The following TRABD2B variants were observed in gnomAD, a reference collection of about 807,000 sequenced individuals.
The protein encoded by TRABD2B is metalloprotease TIKI2.
A neutral mutation model predicts 40.1 loss-of-function variants in TRABD2B; 14 were observed. The ratio of observed to expected loss-of-function variants is 0.35; its 90% confidence interval spans 0.23 to 0.55. TRABD2B has a LOEUF of 0.55. Among genes scored for constraint, TRABD2B ranks in the 20% least tolerant of loss-of-function variants. The pLI is 0.90. For missense variants in TRABD2B, 541 were observed against 648.6 expected, an observed-to-expected ratio of 0.83 and a Z score of 1.80; for synonymous variants, 263 against 277.0, an observed-to-expected ratio of 0.95 and a Z score of 0.50.
chr1:47,892,340 G>A (rs1644459523), intron 2 of TRABD2B, among the ~76,000 whole-genome samples: 1 of 152,250 alleles, frequency 6.6e-6, no homozygotes, highest in Admixed American at 6.5e-5. Flanking sequence ...AATTGAAGAA[G>A]TCTGGTAAGA....
At chr1:47,898,530 C>T (rs1158102134) in intron 2 of TRABD2B, among the ~76,000 whole-genome samples, 2 of 152,202 alleles carry the variant, frequency 1.3e-5, no homozygotes, top group Non-Finnish European at 2.9e-5. Context: ...AGGGGCTCTG[C>T]ATCTTCAAGG....
Position 47,852,044 on chromosome 1 carries a change from C to T in TRABD2B, c.667-50425G>A, listed in dbSNP as rs564324770. On this transcript the variant is annotated intron_variant, in intron 2 of 6. Transcript: ENST00000606738. ...AGTGAGCAAAAGCAAGGGAGGCTAG[C>T]AAGAGTCATTCTAGAGCTCTGTGCT... Among the ~76,000 whole-genome samples the T allele has an allele frequency of 3.9e-5, 6 of 152,300 alleles. No homozygotes were observed. In the South Asian group the frequency reaches 1.2e-3, roughly 32 times the overall value.
At chr1:47,891,943 G>A (rs1235374851) in intron 2 of TRABD2B, among the ~76,000 whole-genome samples, 2 of 152,214 alleles carry the variant, frequency 1.3e-5, no homozygotes, top group Non-Finnish European at 2.9e-5. Context: ...AGGTAGCTGG[G>A]GTCAGATTAT....
chr1:47,960,275 AC>A (rs1196559266), intron 2 of TRABD2B, among the ~76,000 whole-genome samples: 1 of 152,110 alleles, frequency 6.6e-6, no homozygotes, highest in Non-Finnish European at 1.5e-5. Flanking sequence ...ATGGGCAAAA[AC>A]TGGAAGCATT....
intron 2 of TRABD2B, among the ~76,000 whole-genome samples, chr1:47,878,793 AG>A (rs1195782872): frequency 6.6e-6 from 1 of 152,216 alleles, no homozygotes; most frequent in Non-Finnish European, 1.5e-5. Context: ...TAAGCAAACA[AG>A]GAAAAAGAAA....
At chr1:47,941,486 A>C (rs935849051) in intron 2 of TRABD2B, among the ~76,000 whole-genome samples, 2 of 152,180 alleles carry the variant, frequency 1.3e-5, no homozygotes, top group Non-Finnish European at 2.9e-5. Context: ...ACAAAAATGC[A>C]CCTGGTTCAA....
chr1:47,935,102 T>C (rs989907525), intron 2 of TRABD2B, among the ~76,000 whole-genome samples: 30 of 152,148 alleles, frequency 2.0e-4, no homozygotes, highest in Non-Finnish European at 3.2e-4. Context: ...AGACAAGTAG[T>C]CTCTACTCCC....
Position 47,839,571 on chromosome 1 carries a change from G to C in TRABD2B, c.667-37952C>G, listed in dbSNP as rs547504869. Among the ~76,000 whole-genome samples the C allele has an allele frequency of 1.1e-3, 167 of 152,304 alleles. 3 individuals are homozygous for C. The highest frequency in any genetic ancestry group is 2.2e-3 in the Admixed American group (34 of 15,288). On this transcript the variant is annotated intron_variant, in intron 2 of 6. Coordinates refer to ENST00000606738, the MANE Select transcript of TRABD2B (RefSeq NM_001194986.2). Reference sequence around the variant, plus strand: ...CCTGCCATCCACGCTCCAGCCTGCAGCCAGAGGGAATTTATGAAATGCAAA... The same window carrying C: ...CCTGCCATCCACGCTCCAGCCTGCACCCAGAGGGAATTTATGAAATGCAAA...
intron 4 of TRABD2B, among the ~76,000 whole-genome samples, chr1:47,783,791 C>T (rs1644557969): frequency 6.6e-6 from 1 of 152,224 alleles, no homozygotes; most frequent in African/African-American, 2.4e-5. Context: ...CCCCGCCTCC[C>T]ATCAGCCTGG....
At chr1:47,861,690 G>C (rs932195041) in intron 2 of TRABD2B, among the ~76,000 whole-genome samples, 1 of 152,118 alleles carries the variant, frequency 6.6e-6, no homozygotes, top group Non-Finnish European at 1.5e-5. Context: ...CAAACATTTA[G>C]GAAAGAGATT....
intron 2 of TRABD2B, among the ~76,000 whole-genome samples, chr1:47,964,061 C>T (rs1645562357): frequency 6.6e-6 from 1 of 152,078 alleles, no homozygotes; most frequent in Non-Finnish European, 1.5e-5. Flanking sequence ...TTGTTTTTTT[C>T]CCCCTACATT....
intron 2 of TRABD2B, among the ~76,000 whole-genome samples, chr1:47,882,778 A>G (rs1260852782): frequency 1.3e-5 from 2 of 152,136 alleles, no homozygotes; most frequent in Non-Finnish European, 2.9e-5. Flanking sequence ...GGAAATAGCC[A>G]TAAGTTGGTA....
At chr1:47,783,383 A>G (rs942609594) in intron 4 of TRABD2B, among the ~76,000 whole-genome samples, 1 of 152,120 alleles carries the variant, frequency 6.6e-6, no homozygotes, top group Non-Finnish European at 1.5e-5. Flanking sequence ...AATGAAGACA[A>G]AAAGCGTGGT....
intron 2 of TRABD2B, among the ~76,000 whole-genome samples, 190 bp from the exon 3 acceptor site, chr1:47,801,809 C>T (rs1644827840): frequency 6.6e-6 from 1 of 152,144 alleles, no homozygotes; most frequent in Non-Finnish European, 1.5e-5. Flanking sequence ...TGAGCACGTT[C>T]AGCCTGCTCT....
chr1:47,911,771 A>G (rs1205325593), intron 2 of TRABD2B, among the ~76,000 whole-genome samples: 2 of 152,240 alleles, frequency 1.3e-5, no homozygotes, highest in Admixed American at 1.3e-4. Context: ...CATAATTTGC[A>G]AGGTCCAGTG....
chr1:47,978,753 C>A (rs750238157), intron 2 of TRABD2B, among the ~76,000 whole-genome samples: 1 of 152,194 alleles, frequency 6.6e-6, no homozygotes, highest in African/African-American at 2.4e-5. Flanking sequence ...CTTCACACTG[C>A]GGCCCTCTGA....
At position 47,906,575 on chromosome 1, in the gene TRABD2B, A is replaced by G. The variant is rs555769595; in HGVS notation, c.666+87459T>C. Among the ~76,000 whole-genome samples the G allele has an allele frequency of 2.0e-5, 3 of 152,214 alleles. No individual in the cohort carries two copies. The East Asian group carries it at 5.8e-4, about 30-fold the overall frequency. ...TTCGAGCGTAGCAGGGCTCTGTCCAATCTCCCCATGGGATGAGACTGATTC... is the reference window on the plus strand; with the variant it reads ...TTCGAGCGTAGCAGGGCTCTGTCCAGTCTCCCCATGGGATGAGACTGATTC... On this transcript the variant is annotated intron_variant, in intron 2 of 6. Coordinates refer to ENST00000606738, the MANE Select transcript of TRABD2B (RefSeq NM_001194986.2).
rs1461317998 is a variant in TRABD2B, at chr1:47,994,629, G to T, written c.103-32C>A. 1.3e-6 allele frequency: 2 copies of T among 1,515,296 alleles called. No homozygotes were observed. The highest frequency in any genetic ancestry group is 2.7e-5 in the African/African-American group (2 of 72,784). 93.9% of individuals were successfully genotyped at this position (1,515,296 alleles called of 1,614,324 possible). A position where few individuals can be genotyped will look rare whatever the true frequency, so the allele number is the denominator to read the frequency against. Reference sequence around the variant, plus strand: ...GAGTAGAGAAGAGGCAAGGCAGTGAGGCCGAAGGCAACAGAGTAGAGTCAG... The same window carrying T: ...GAGTAGAGAAGAGGCAAGGCAGTGATGCCGAAGGCAACAGAGTAGAGTCAG... On this transcript the variant is annotated intron_variant, in intron 1 of 6. Transcript: ENST00000606738. This position sits in a 1 kb window ranked among gnomAD's most constrained non-coding sequence, Gnocchi z 6.7.
At chr1:47,822,510 C>T (rs1645124776) in intron 2 of TRABD2B, among the ~76,000 whole-genome samples, 1 of 151,998 alleles carries the variant, frequency 6.6e-6, no homozygotes, top group Admixed American at 6.5e-5. Flanking sequence ...AATTTTCTGG[C>T]TTTGCCACTT....
Sources: allele counts gnomAD v4.1 joint callset (sites outside exome capture counted in the v4.1 genomes callset), GRCh38; gene constraint gnomAD v4.1.1; non-coding constraint Gnocchi (gnomAD v3.1); transcripts MANE v1.5; gene names NCBI Gene and HGNC (gene_info 2026-07-23, HGNC 2026-07-21).